The following ZMYM2 variants were observed in gnomAD, a reference collection of about 807,000 sequenced individuals.
ZMYM2 encodes zinc finger MYM-type containing 2.
ZMYM2 carries 56 observed loss-of-function variants against 162.8 expected under a neutral mutation model. That is an observed-to-expected ratio of 0.34 (90% CI 0.28 to 0.43). The LOEUF is 0.43. ZMYM2 is among the 20% of genes least tolerant of loss of function. ZMYM2 has a pLI of 1.00. For synonymous variants in ZMYM2, 510 were observed against 541.6 expected, an observed-to-expected ratio of 0.94 and a Z score of 0.81; for missense variants, 1,275 against 1,621.8, an observed-to-expected ratio of 0.79 and a Z score of 3.67.
chr13:19,888,556 C>T, the ZMYM2 span, among the ~76,000 whole-genome samples: 1 of 151,804 alleles, frequency 6.6e-6, no homozygotes, highest in Non-Finnish European at 1.5e-5. Flanking sequence ...AAACTATTAA[C>T]TTTGTATGAG....
rs1423748887 is a variant in ZMYM2 at position 20,083,653 on chromosome 13, A to G, written c.3821-3A>G. On this transcript the variant is annotated splice_polypyrimidine_tract_variant and splice_region_variant and intron_variant, in intron 23 of 24. Coordinates refer to ENST00000610343, the MANE Select transcript of ZMYM2 (RefSeq NM_197968.4). ...GAGGTTTATTTCACTTTTATTTTTT[A>G]AGATAAAATTACTACTGGAAAAAGA... 1.3e-5 allele frequency: 20 copies of G among 1,501,314 alleles called. No homozygotes were observed. The highest frequency in any genetic ancestry group is 1.7e-5 in the Non-Finnish European group (19 of 1,105,808). 93.0% of individuals were successfully genotyped at this position (1,501,314 alleles called of 1,614,324 possible).
intron 9 of ZMYM2, among the ~76,000 whole-genome samples, chr13:20,029,117 C>T (rs934849278): frequency 2.0e-5 from 3 of 152,202 alleles, no homozygotes; most frequent in African/African-American, 4.8e-5. Flanking sequence ...AGACTGGTAG[C>T]TTATAAATAG....
At chr13:19,909,713 A>G in the ZMYM2 span, among the ~76,000 whole-genome samples, 2 of 151,716 alleles carry the variant, frequency 1.3e-5, no homozygotes, top group African/African-American at 4.8e-5. Context: ...GATTACAGGC[A>G]TGAGCCACCG....
chr13:19,928,516 G>A, the ZMYM2 span, among the ~76,000 whole-genome samples: 1 of 152,118 alleles, frequency 6.6e-6, no homozygotes, highest in East Asian at 1.9e-4. Flanking sequence ...ACCATACCAG[G>A]CTGGGTGCGG....
the ZMYM2 span, among the ~76,000 whole-genome samples, chr13:19,929,016 A>G: frequency 6.6e-6 from 1 of 152,042 alleles, no homozygotes; most frequent in East Asian, 1.9e-4. Flanking sequence ...ATTATATCCA[A>G]CTATTGCTAG....
the ZMYM2 span, among the ~76,000 whole-genome samples, chr13:19,866,799 T>A: frequency 6.6e-6 from 1 of 151,252 alleles, no homozygotes; most frequent in Non-Finnish European, 1.5e-5. Flanking sequence ...GAGGCCGAGG[T>A]GGGAGGATCA....
At chr13:20,064,879 A>G (rs949929469) in intron 19 of ZMYM2, among the ~76,000 whole-genome samples, 2 of 151,524 alleles carry the variant, frequency 1.3e-5, no homozygotes, top group Non-Finnish European at 3.0e-5. Flanking sequence ...GTATTGATAC[A>G]AGGTCAAAAT....
At chr13:20,029,820 C>T (rs1163972590) in intron 9 of ZMYM2, among the ~76,000 whole-genome samples, 2 of 150,860 alleles carry the variant, frequency 1.3e-5, no homozygotes, top group African/African-American at 4.9e-5. Context: ...TTTTTGGAGA[C>T]AGAATCTCAC....
the ZMYM2 span, among the ~76,000 whole-genome samples, chr13:19,949,387 T>G: frequency 4.0e-5 from 6 of 151,648 alleles, no homozygotes; most frequent in East Asian, 1.2e-3. Flanking sequence ...GCACTTCAGC[T>G]TGGGCTACAG....
the ZMYM2 span, among the ~76,000 whole-genome samples, chr13:19,890,455 A>C: frequency 6.8e-6 from 1 of 147,184 alleles, no homozygotes; most frequent in Non-Finnish European, 1.5e-5. Context: ...GGCATGAGCC[A>C]TAGTTCACTG....
intron 6 of ZMYM2, among the ~76,000 whole-genome samples, chr13:20,015,644 G>A (rs1286793239): frequency 6.6e-6 from 1 of 152,046 alleles, no homozygotes; most frequent in Non-Finnish European, 1.5e-5. Context: ...TTATTTAAGT[G>A]TATTTTGGGG....
chr13:19,946,093 C>G, the ZMYM2 span, among the ~76,000 whole-genome samples: 132,022 of 152,190 alleles, frequency 0.87, 58,587 homozygotes, highest in East Asian at 0.99. Context: ...TGCATCGCCA[C>G]CACCCTATTT....
At chr13:20,061,674 T>C (rs1367196763) in intron 17 of ZMYM2, among the ~76,000 whole-genome samples, 1 of 152,070 alleles carries the variant, frequency 6.6e-6, no homozygotes, top group Non-Finnish European at 1.5e-5. Flanking sequence ...CTGAGATCTC[T>C]GCCTCCTGGG....
intron 2 of ZMYM2, among the ~76,000 whole-genome samples, chr13:19,961,740 T>G (rs1453320461): frequency 6.6e-6 from 1 of 152,166 alleles, no homozygotes; most frequent in Non-Finnish European, 1.5e-5. Flanking sequence ...ACCAGAATGG[T>G]TCTTGTTTTG....
At chr13:20,035,131 A>G (rs1198174248) in intron 11 of ZMYM2, among the ~76,000 whole-genome samples, 1 of 152,148 alleles carries the variant, frequency 6.6e-6, no homozygotes, top group African/African-American at 2.4e-5. Flanking sequence ...ATCTTCACCT[A>G]TAATTTTTTA....
the ZMYM2 span, among the ~76,000 whole-genome samples, chr13:19,870,641 A>G: frequency 4.5e-5 from 6 of 133,660 alleles, no homozygotes; most frequent in African/African-American, 1.5e-4. Flanking sequence ...GTCTCGCTCT[A>G]TTGCCCAGGC....
intron 2 of ZMYM2, among the ~76,000 whole-genome samples, chr13:19,978,716 A>G (rs1957015578): frequency 6.6e-6 from 1 of 152,170 alleles, no homozygotes. Flanking sequence ...TTCCCAGCCT[A>G]AAATTACTGT....
intron 2 of ZMYM2, among the ~76,000 whole-genome samples, chr13:19,963,815 G>A (rs1286335356): frequency 3.3e-5 from 5 of 152,022 alleles, no homozygotes; most frequent in Non-Finnish European, 7.4e-5. Context: ...ATGAATTTTC[G>A]TAAACATTTT....
rs1444427338 is a variant in ZMYM2 at position 19,959,994 on chromosome 13, T to C, written c.-43T>C. Reference sequence around the variant, plus strand: ...GCCTTCAGCCCTGTCTGGTGCATCCTTGGCAGAAAGTGAGGAGGAAAACAC... The same window carrying C: ...GCCTTCAGCCCTGTCTGGTGCATCCCTGGCAGAAAGTGAGGAGGAAAACAC... On this transcript the variant is annotated 5_prime_UTR_variant, in exon 2 of 25. Coordinates refer to ENST00000610343, the MANE Select transcript of ZMYM2 (RefSeq NM_197968.4). 6.6e-6 allele frequency: 1 copy of C among 152,350 alleles called. No homozygotes were observed. Among genetic ancestry groups the C allele is most frequent in the Non-Finnish European group, 1.5e-5 (1 of 68,128 alleles). The allele number at this position is 152,350 out of a possible 1,614,324, so 9.4% of individuals were successfully genotyped here.
Sources: gnomAD v4.1 joint callset for allele counts (sites outside exome capture counted in the v4.1 genomes callset) on GRCh38, gnomAD v4.1.1 for gene constraint, MANE v1.5 for transcripts, NCBI Gene and HGNC (gene_info 2026-07-23, HGNC 2026-07-21) for gene names.